UMAD1: variants seen among roughly 807,000 people sequenced by gnomAD.
The protein encoded by UMAD1 is UBAP1-MVB12-associated (UMA)-domain containing protein 1.
Under a neutral mutation model 6.1 loss-of-function variants are expected in UMAD1, and 8 were observed. The ratio of observed to expected loss-of-function variants is 1.30; its 90% CI spans 0.76 to 2.35. UMAD1 has a LOEUF of 2.35. UMAD1 is among the 30% of genes most tolerant of loss of function. The pLI, the probability that UMAD1 is intolerant of heterozygous loss-of-function variation, is 0.00. For synonymous variants in UMAD1, 56 were observed against 31.4 expected (o/e 1.78, Z -2.61); for missense variants, 130 against 78.4 (o/e 1.66, Z -2.49).
chr7:7,722,576 G>A (rs1285074715), intron 2 of UMAD1, among the ~76,000 whole-genome samples: 4 of 152,150 alleles, frequency 2.6e-5, no homozygotes, highest in Non-Finnish European at 1.5e-5. Context: ...TAAGTTCACT[G>A]GACAAAGTGA....
chr7:7,868,621 G>C (rs963816169), intron 3 of UMAD1: 1 of 151,630 alleles, frequency 6.6e-6, no homozygotes. Flanking sequence ...AAACCAAAAT[G>C]ATGTCAGAGA....
At chr7:7,668,733 T>C (rs886726) in intron 1 of UMAD1, among the ~76,000 whole-genome samples, 89,349 of 152,130 alleles carry the variant, frequency 0.59, 26,476 homozygotes, top group East Asian at 0.8. Context: ...AACATTGAAA[T>C]GAATGTTAGT....
At chr7:7,817,765 A>T (rs1275686917) in intron 3 of UMAD1, among the ~76,000 whole-genome samples, 1 of 152,182 alleles carries the variant, frequency 6.6e-6, no homozygotes, top group African/African-American at 2.4e-5. Context: ...CTGACTAAAG[A>T]CACATTTTCA....
chr7:7,719,283 T>A (rs1178837282), intron 2 of UMAD1, among the ~76,000 whole-genome samples: 1 of 152,172 alleles, frequency 6.6e-6, no homozygotes, highest in Non-Finnish European at 1.5e-5. Context: ...TTGAATTTGA[T>A]CCAGTATATA....
At chr7:7,677,823 G>A (rs910586884) in intron 2 of UMAD1, among the ~76,000 whole-genome samples, 8 of 150,582 alleles carry the variant, frequency 5.3e-5, no homozygotes, top group Admixed American at 3.3e-4. Context: ...ACAGGCGCCC[G>A]CCACTACGCC....
At chr7:7,813,602 TA>T (rs56902993) in intron 3 of UMAD1, among the ~76,000 whole-genome samples, 7 of 151,562 alleles carry the variant, frequency 4.6e-5, no homozygotes, top group African/African-American at 1.7e-4. Context: ...CCATTTACAT[TA>T]AAAAAAAGCA....
At chr7:7,744,591 C>CT (rs1159118795) in intron 2 of UMAD1, among the ~76,000 whole-genome samples, 1 of 139,448 alleles carries the variant, frequency 7.2e-6, no homozygotes, top group Non-Finnish European at 1.6e-5. Context: ...CTAATTGTTA[C>CT]TGTTTTTTTT....
At chr7:7,781,654 A>G (rs1211118344) in intron 2 of UMAD1, among the ~76,000 whole-genome samples, 2 of 152,060 alleles carry the variant, frequency 1.3e-5, no homozygotes, top group Non-Finnish European at 1.5e-5. Context: ...TTTTGTGACT[A>G]CTGGGAATGA....
intron 3 of UMAD1, among the ~76,000 whole-genome samples, chr7:7,866,512 A>C (rs1784227551): frequency 6.6e-6 from 1 of 152,196 alleles, no homozygotes; most frequent in African/African-American, 2.4e-5. Context: ...AGTAGAAGAG[A>C]GGATGTCTTA....
intron 3 of UMAD1, among the ~76,000 whole-genome samples, chr7:7,814,493 C>T: frequency 6.6e-6 from 1 of 152,012 alleles, no homozygotes; most frequent in Admixed American, 6.6e-5. Flanking sequence ...TCACCTGATG[C>T]TCCTGTTCTA....
intron 2 of UMAD1, among the ~76,000 whole-genome samples, chr7:7,770,349 C>G (rs370299680): frequency 1.3e-5 from 2 of 152,166 alleles, no homozygotes; most frequent in African/African-American, 4.8e-5. Flanking sequence ...GGACCTTGCT[C>G]TGTTTATCAT....
At chr7:7,732,616 C>G (rs943539320) in intron 2 of UMAD1, among the ~76,000 whole-genome samples, 2 of 152,168 alleles carry the variant, frequency 1.3e-5, no homozygotes, top group African/African-American at 4.8e-5. Context: ...TGATTTTCCA[C>G]CTCATTGAAA....
intron 2 of UMAD1, among the ~76,000 whole-genome samples, chr7:7,681,455 G>T (rs1409307111): frequency 1.3e-5 from 2 of 152,102 alleles, no homozygotes; most frequent in African/African-American, 2.4e-5. Context: ...ACCTTTCTCC[G>T]CATTAAGATT....
At chr7:7,741,742 C>G (rs1294431101) in intron 2 of UMAD1, among the ~76,000 whole-genome samples, 1 of 151,830 alleles carries the variant, frequency 6.6e-6, no homozygotes, top group Non-Finnish European at 1.5e-5. Context: ...CTAAAAACAA[C>G]TGTAGACTTT....
rs530725827 is a variant in UMAD1 at position 7,764,581 on chromosome 7, T to G, written c.83-37089T>G. Among the ~76,000 whole-genome samples, 4 of 152,276 alleles carry G rather than the reference T, an allele frequency of 2.6e-5. No individual in the cohort carries two copies. In the South Asian group the frequency reaches 8.3e-4, roughly 32 times the overall value. ...ATAGTGAAATAACATCTTAAGGCAGTGATGGGAGCTGGATCACTTGAGGTA... is the reference window on the plus strand; with the variant it reads ...ATAGTGAAATAACATCTTAAGGCAGGGATGGGAGCTGGATCACTTGAGGTA... On this transcript the variant is annotated intron_variant, in intron 2 of 3. Transcript: ENST00000682710.
chr7:7,848,520 A>G (rs1418447452), intron 3 of UMAD1, among the ~76,000 whole-genome samples: 8 of 152,156 alleles, frequency 5.3e-5, no homozygotes. Flanking sequence ...GTAGAGTCAA[A>G]TAACACTTAT....
intron 2 of UMAD1, among the ~76,000 whole-genome samples, chr7:7,779,919 C>G (rs1782309618): frequency 6.6e-6 from 1 of 152,214 alleles, no homozygotes; most frequent in Non-Finnish European, 1.5e-5. Flanking sequence ...GTCAGGATAA[C>G]AGACATAAGC....
chr7:7,828,255 A>C (rs1245329343), intron 3 of UMAD1, among the ~76,000 whole-genome samples: 1 of 152,222 alleles, frequency 6.6e-6, no homozygotes, highest in East Asian at 1.9e-4. Context: ...TAATAATAAA[A>C]GCTATTATTT....
chr7:7,697,557 G>C (rs1402500834), intron 2 of UMAD1, among the ~76,000 whole-genome samples: 4 of 152,144 alleles, frequency 2.6e-5, no homozygotes. Context: ...AAGTATCTCA[G>C]GAAGGAAGAA....
Sources: allele counts gnomAD v4.1 joint callset (sites outside exome capture counted in the v4.1 genomes callset), GRCh38; gene constraint gnomAD v4.1.1; transcripts MANE v1.5; gene names NCBI Gene and HGNC (gene_info 2026-07-23, HGNC 2026-07-21).